The following DOCK5 variants were observed in gnomAD, a reference collection of about 807,000 sequenced individuals.
DOCK5 encodes the protein dedicator of cytokinesis protein 5.
DOCK5 carries 142 observed loss-of-function variants against 251.8 expected under a neutral mutation model. The ratio of observed to expected loss-of-function variants is 0.56; its 90% CI spans 0.49 to 0.65. The LOEUF (loss-of-function observed/expected upper bound fraction) is 0.65. Among genes scored for constraint, DOCK5 ranks in the 30% least tolerant of loss-of-function variants. The pLI, the probability that DOCK5 is intolerant of heterozygous loss-of-function variation, is 0.00. For synonymous variants in DOCK5, 842 were observed against 835.5 expected (o/e 1.01, Z -0.13); for missense variants, 2,111 against 2,312.3 (o/e 0.91, Z 1.79).
intron 18 of DOCK5, 92 bp downstream of exon 18, chr8:25,325,639 C>T: frequency 6.8e-7 from 1 of 1,462,718 alleles, no homozygotes; most frequent in Non-Finnish European, 9.2e-7. Context: ...CTATATGGGG[C>T]TGGGTCTTAT....
chr8:25,302,873 GAGAC>G, intron 10 of DOCK5, among the ~76,000 whole-genome samples: 1 of 152,288 alleles, frequency 6.6e-6, no homozygotes, highest in Middle Eastern at 3.4e-3. Context: ...CAAATTCTCA[GAGAC>G]AGTATAGAGT....
chr8:25,367,074 C>A, intron 31 of DOCK5, 104 bp downstream of exon 31: 1 of 1,011,246 alleles, frequency 9.9e-7, no homozygotes. Flanking sequence ...AGTGGCTACC[C>A]ATGTTGTTAG....
intron 1 of DOCK5, among the ~76,000 whole-genome samples, chr8:25,200,292 G>A (rs1334306147): frequency 6.6e-6 from 1 of 152,194 alleles, no homozygotes; most frequent in Non-Finnish European, 1.5e-5. Flanking sequence ...TACTCCACAT[G>A]TGGGGAATAA....
chr8:25,388,418 T>C (rs1801201098), intron 40 of DOCK5, among the ~76,000 whole-genome samples: 1 of 152,134 alleles, frequency 6.6e-6, no homozygotes, highest in African/African-American at 2.4e-5. Context: ...ATTACTCCCA[T>C]GCCTGGGGCC....
intron 37 of DOCK5, 111 bp downstream of exon 37, chr8:25,374,765 CT>C (rs764691414): frequency 6.3e-7 from 1 of 1,598,066 alleles, no homozygotes. Flanking sequence ...CAGGAATATC[CT>C]TTTATACAAG....
At position 25,351,804 on chromosome 8, in the gene DOCK5, T is replaced by A; in HGVS notation, c.2828T>A (p.Met943Lys). Residue 943 changes from methionine (M) to lysine (K), a missense_variant, in exon 27 of 52, where the codon ATG becomes AAG. Physicochemically the swap from Met to Lys is moderately conservative, Grantham distance 95 (BLOSUM62 -1). This residue lies in a region of DOCK5 where 1,717 missense variants were observed against 1,892.4 expected (regional missense o/e 0.91). Transcript: ENST00000276440. ...AGGATCAACCGGACAGTGATTGGGA[T>A]GAACCGGCAGTCTCCCCACATCGTG... Reference protein sequence around the residue: ...LRRINRTVIGMNRQSPHIGSF... With the variant: ...LRRINRTVIGKNRQSPHIGSF... 3 of 1,613,876 alleles carry A rather than the reference T, an allele frequency of 1.9e-6. No homozygotes were observed. The highest frequency in any genetic ancestry group is 1.1e-5 in the South Asian group (1 of 91,040).
Position 25,380,707 on chromosome 8 carries a change from C to G in DOCK5, c.4026+313C>G, listed in dbSNP as rs1801049448. Among the ~76,000 whole-genome samples, 3 of 152,230 alleles carry G rather than the reference C, an allele frequency of 2.0e-5. No individual in the cohort carries two copies. The South Asian group carries it at 6.2e-4, about 31-fold the overall frequency. On this transcript the variant is annotated intron_variant, in intron 39 of 51. Transcript: ENST00000276440. ...TCCCTCAGGATCTCTGTCTGCAGCTCTCTCATTCTTCCTGAAGCCATTTTT... is the reference window on the plus strand; with the variant it reads ...TCCCTCAGGATCTCTGTCTGCAGCTGTCTCATTCTTCCTGAAGCCATTTTT...
At chr8:25,251,688 T>C (rs1225212413) in intron 2 of DOCK5, among the ~76,000 whole-genome samples, 1 of 152,074 alleles carries the variant, frequency 6.6e-6, no homozygotes, top group African/African-American at 2.4e-5. Context: ...CTAACAGAGA[T>C]ATAAAAAAGA....
intron 3 of DOCK5, among the ~76,000 whole-genome samples, chr8:25,272,550 C>A (rs958225697): frequency 6.6e-6 from 1 of 152,198 alleles, no homozygotes; most frequent in African/African-American, 2.4e-5. Flanking sequence ...AAACCTTCAG[C>A]AGGGATGTTC....
At chr8:25,341,642 A>G (rs1805958619) in intron 23 of DOCK5, 97 bp from the exon 24 acceptor site, 5 of 995,582 alleles carry the variant, frequency 5.0e-6, no homozygotes, top group Non-Finnish European at 6.2e-6. Flanking sequence ...TTCCCTATAT[A>G]AGTTCCAAGC....
intron 12 of DOCK5, among the ~76,000 whole-genome samples, chr8:25,310,005 T>C (rs1236189865): frequency 6.6e-6 from 1 of 152,030 alleles, no homozygotes; most frequent in Admixed American, 6.6e-5. Flanking sequence ...TCCCAGCATA[T>C]TCATGTAATT....
intron 41 of DOCK5, among the ~76,000 whole-genome samples, chr8:25,389,799 G>T (rs1451725193): frequency 6.6e-6 from 1 of 152,160 alleles, no homozygotes; most frequent in East Asian, 1.9e-4. Context: ...GCCCAACTAT[G>T]GCACTGGATA....
intron 1 of DOCK5, among the ~76,000 whole-genome samples, chr8:25,223,950 TC>T (rs1322604383): frequency 1.3e-5 from 2 of 152,150 alleles, no homozygotes; most frequent in African/African-American, 4.8e-5. Flanking sequence ...ACTTATCACC[TC>T]CAATTTCTCT....
chr8:25,229,110 C>T (rs1802604972), intron 1 of DOCK5, among the ~76,000 whole-genome samples: 1 of 151,858 alleles, frequency 6.6e-6, no homozygotes, highest in Non-Finnish European at 1.5e-5. Context: ...ATTTTACACT[C>T]AGTTGAACTT....
In DOCK5 at chr8:25,413,974, C is replaced by G. The variant is rs183427142; in HGVS notation, c.*2676C>G. The G allele has an allele frequency of 1.3e-5, 2 of 151,928 alleles. No individual in the cohort carries two copies. The highest frequency in any genetic ancestry group is 3.9e-4 in the East Asian group (2 of 5,166). 9.4% of individuals were successfully genotyped at this position (151,928 alleles called of 1,614,324 possible). Reference sequence around the variant, plus strand: ...CCATTAAATATAAAGAGATAAGGAGCAAGGAGGAAAAAAGAGAAAGAATTG... The same window carrying G: ...CCATTAAATATAAAGAGATAAGGAGGAAGGAGGAAAAAAGAGAAAGAATTG... On this transcript the variant is annotated 3_prime_UTR_variant, in exon 52 of 52. Coordinates refer to ENST00000276440, the MANE Select transcript of DOCK5 (RefSeq NM_024940.8).
At chr8:25,407,446 A>C (rs2248185) in intron 48 of DOCK5, among the ~76,000 whole-genome samples, 2 of 151,976 alleles carry the variant, frequency 1.3e-5, no homozygotes, top group Admixed American at 1.3e-4. Flanking sequence ...ACTTCCTGGG[A>C]TAAGATACTC....
chr8:25,346,418 G>A (rs1485357557), intron 26 of DOCK5, among the ~76,000 whole-genome samples: 4 of 152,190 alleles, frequency 2.6e-5, no homozygotes, highest in African/African-American at 9.7e-5. Flanking sequence ...GAGCTGCTGA[G>A]AAGTTCTCAT....
intron 1 of DOCK5, among the ~76,000 whole-genome samples, chr8:25,213,306 C>T (rs983418614): frequency 6.8e-5 from 10 of 147,290 alleles, no homozygotes; most frequent in African/African-American, 2.6e-4. Flanking sequence ...TCCCCACACC[C>T]AGATATTTTT....
chr8:25,387,058 A>G (rs371019430), intron 40 of DOCK5, among the ~76,000 whole-genome samples: 75 of 152,260 alleles, frequency 4.9e-4, no homozygotes, highest in East Asian at 4.4e-3. Context: ...ACTCTCTTCT[A>G]TGGGATATTT....
Sources: gnomAD v4.1 joint callset for allele counts (sites outside exome capture counted in the v4.1 genomes callset) on GRCh38, gnomAD v4.1.1 for gene constraint, gnomAD v4.1.1 regional missense constraint, MANE v1.5 for transcripts, NCBI Gene and HGNC (gene_info 2026-07-23, HGNC 2026-07-21) for gene names.